Variants in DDX10 observed in about 807,000 individuals in gnomAD.
DDX10 encodes the protein DEAD-box helicase 10, also known as probable ATP-dependent RNA helicase DDX10.
A neutral mutation model predicts 104.3 loss-of-function variants in DDX10; 74 were observed. That is an observed-to-expected ratio of 0.71 (90% CI 0.59 to 0.86). The LOEUF (loss-of-function observed/expected upper bound fraction) is 0.86. Ranked by LOEUF, DDX10 falls within the 40% of genes least tolerant of loss-of-function variation. The pLI is 0.00. For synonymous variants in DDX10, 351 were observed against 353.4 expected (o/e 0.99, Z 0.08); for missense variants, 952 against 1,040.0 (o/e 0.92, Z 1.16).
intron 15 of DDX10, among the ~76,000 whole-genome samples, chr11:108,851,495 G>C (rs12287659): frequency 2.0e-5 from 3 of 152,106 alleles, no homozygotes; most frequent in Non-Finnish European, 2.9e-5. Context: ...TTTCGTGGCA[G>C]AACGTCTCTT....
At chr11:108,834,205 G>A (rs1422441670) in intron 13 of DDX10, among the ~76,000 whole-genome samples, 3 of 151,374 alleles carry the variant, frequency 2.0e-5, no homozygotes, top group Non-Finnish European at 2.9e-5. Context: ...CTGGGCCCAA[G>A]AGATTCTCCT....
At chr11:108,704,344 C>A (rs2094272734) in intron 9 of DDX10, among the ~76,000 whole-genome samples, 1 of 152,198 alleles carries the variant, frequency 6.6e-6, no homozygotes. Flanking sequence ...GTTGCCTAGC[C>A]CTCAGCTCAC....
At chr11:108,847,621 TGTTGACACATAATTAA>T (rs1364405138) in intron 15 of DDX10, among the ~76,000 whole-genome samples, 1 of 152,212 alleles carries the variant, frequency 6.6e-6, no homozygotes, top group Non-Finnish European at 1.5e-5. Flanking sequence ...GTTTTATTGT[TGTTGACACATAATTAA>T]GTTGGCATGG....
intron 13 of DDX10, among the ~76,000 whole-genome samples, chr11:108,798,049 C>T (rs1482686053): frequency 1.3e-5 from 2 of 152,124 alleles, no homozygotes; most frequent in African/African-American, 4.8e-5. Context: ...CACTTGACTC[C>T]CTATTTTCTG....
chr11:108,700,088 C>G (rs1297245236), intron 9 of DDX10, among the ~76,000 whole-genome samples: 1 of 152,118 alleles, frequency 6.6e-6, no homozygotes, highest in Non-Finnish European at 1.5e-5. Context: ...ATGTTTGTTT[C>G]CCTGGAGATC....
intron 1 of DDX10, among the ~76,000 whole-genome samples, chr11:108,666,171 C>T (rs2094209890): frequency 6.6e-6 from 1 of 152,206 alleles, no homozygotes; most frequent in Non-Finnish European, 1.5e-5. Flanking sequence ...GCAGTACAAT[C>T]AGGGATTTAA....
At chr11:108,822,364 A>G (rs758028355) in intron 13 of DDX10, 6 of 397,422 alleles carry the variant, frequency 1.5e-5, no homozygotes, top group Non-Finnish European at 3.0e-5. Flanking sequence ...GAGATTAGCT[A>G]TCAAGTCTGC....
At chr11:108,791,869 T>C (rs1442602396) in intron 13 of DDX10, among the ~76,000 whole-genome samples, 1 of 152,224 alleles carries the variant, frequency 6.6e-6, no homozygotes, top group Non-Finnish European at 1.5e-5. Flanking sequence ...CAAACTGTTT[T>C]TCAAAGTGGC....
At chr11:108,912,102 C>CT (rs1863688384) in intron 16 of DDX10, among the ~76,000 whole-genome samples, 1 of 152,084 alleles carries the variant, frequency 6.6e-6, no homozygotes, top group Non-Finnish European at 1.5e-5. Context: ...ACACATTTCT[C>CT]AGAGTTCTGG....
intron 10 of DDX10, among the ~76,000 whole-genome samples, chr11:108,711,960 A>G (rs994400048): frequency 5.9e-5 from 9 of 152,156 alleles, no homozygotes; most frequent in African/African-American, 1.9e-4. Context: ...TTCTATCAGT[A>G]TTTGCCTCAC....
chr11:108,863,316 C>G (rs1862964472), intron 16 of DDX10, among the ~76,000 whole-genome samples: 1 of 152,048 alleles, frequency 6.6e-6, no homozygotes, highest in Admixed American at 6.6e-5. Flanking sequence ...GAAAATGCTG[C>G]AGAAATGGTA....
At chr11:108,722,792 T>C (rs1459122106) in intron 12 of DDX10, among the ~76,000 whole-genome samples, 1 of 152,208 alleles carries the variant, frequency 6.6e-6, no homozygotes, top group Non-Finnish European at 1.5e-5. Context: ...GAAAAAATAG[T>C]GTCTAAAATG....
intron 16 of DDX10, among the ~76,000 whole-genome samples, chr11:108,913,885 A>C (rs944982339): frequency 9.2e-5 from 14 of 152,162 alleles, no homozygotes; most frequent in African/African-American, 3.4e-4. Context: ...TTTATTAATA[A>C]ATTAAAGGTA....
In DDX10 at chr11:108,887,508, G is replaced by A. The variant is rs373382727; in HGVS notation, c.2305-30365G>A. 8.0e-5 allele frequency among the ~76,000 whole-genome samples: 12 copies of A among 150,006 alleles called. No homozygotes were observed. In the South Asian group the frequency reaches 1.7e-3, roughly 21 times the overall value. On this transcript the variant is annotated intron_variant, in intron 16 of 17. Transcript: ENST00000322536. ...ACTGTGGTACAGCAAGTTTGTTAAC[G>A]CTCTGAGCAGATTGCTAGTGAATTC... is the stretch of plus-strand genomic sequence containing the variant.
chr11:108,707,047 A>G (rs1332578007), intron 10 of DDX10, among the ~76,000 whole-genome samples: 1 of 152,182 alleles, frequency 6.6e-6, no homozygotes, highest in Non-Finnish European at 1.5e-5. Flanking sequence ...CCAAACATGC[A>G]CAGCCTCTGC....
intron 15 of DDX10, among the ~76,000 whole-genome samples, chr11:108,850,685 T>C (rs1234135882): frequency 6.6e-6 from 1 of 152,184 alleles, no homozygotes; most frequent in Non-Finnish European, 1.5e-5. Flanking sequence ...TGGCAACATT[T>C]GTCTAAAACA....
In DDX10 at chr11:108,723,409, G is replaced by T; in HGVS notation, c.1912G>T (p.Val638Leu). 1 of 1,613,864 alleles carries T rather than the reference G, an allele frequency of 6.2e-7. No homozygotes were observed. The highest frequency in any genetic ancestry group is 8.5e-7 in the Non-Finnish European group (1 of 1,179,848). The change falls in exon 13 of 18, where the codon GTG becomes TTG. Residue 638 changes from valine (V) to leucine (L), a missense_variant. Transcript: ENST00000322536. ...EEEEDADFLK[V>L]KRHNVFGLDL... ...GGAAGAAGATGCTGATTTCTTGAAG[G>T]TGAAGCGGCATAATGTGTTTGGATT...
intron 13 of DDX10, among the ~76,000 whole-genome samples, chr11:108,791,762 T>C (rs1054394939): frequency 6.6e-6 from 1 of 152,202 alleles, no homozygotes; most frequent in African/African-American, 2.4e-5. Context: ...TTCATGTATA[T>C]GTCTTGTGGA....
rs1013318439 is a variant in DDX10, at chr11:108,726,067, C to T, written c.1965+2605C>T. On this transcript the variant is annotated intron_variant, in intron 13 of 17. Transcript: ENST00000322536. Reference sequence around the variant, plus strand: ...CTTTTTCCATTGAATTACCTTGACTCTTTGAAAGTCAGTTGACTTTCAAAG... The same window carrying T: ...CTTTTTCCATTGAATTACCTTGACTTTTTGAAAGTCAGTTGACTTTCAAAG... 5.9e-5 allele frequency among the ~76,000 whole-genome samples: 9 copies of T among 152,082 alleles called. No individual in the cohort carries two copies. The South Asian group carries it at 8.3e-4, about 14-fold the overall frequency.
Sources: gnomAD v4.1 joint callset for allele counts (sites outside exome capture counted in the v4.1 genomes callset) on GRCh38, gnomAD v4.1.1 for gene constraint, MANE v1.5 for transcripts, NCBI Gene and HGNC (gene_info 2026-07-23, HGNC 2026-07-21) for gene names.